Variants in LRAT observed in about 807,000 individuals in gnomAD.
LRAT encodes lecithin retinol acyltransferase, also known as lecithin retinol acyltransferase (phosphatidylcholine--retinol O-acyltransferase).
In LRAT, 11 loss-of-function variants were observed where a neutral mutation model predicts 14.2. The observed-to-expected ratio is 0.78, with a 90% confidence interval of 0.49 to 1.29. The LOEUF is 1.29. Among genes scored for constraint, LRAT ranks in the 50% most tolerant of loss-of-function variants. The probability of loss-of-function intolerance (pLI) is 0.00; values close to 1 mark genes in which losing one functional copy is unlikely to be tolerated. For missense variants in LRAT, 274 were observed against 292.4 expected (o/e 0.94, Z 0.46); for synonymous variants, 144 against 124.8 (o/e 1.15, Z -1.03).
At position 154,744,567 on chromosome 4, in the gene LRAT, C is replaced by T. The variant is rs1732839954; in HGVS notation, c.241C>T (p.Leu81=). The change falls in exon 2 of 3, where the codon CTG becomes TTG. Residue 81 remains leucine (L), a synonymous_variant. Transcript: ENST00000336356. ...CATGATGCCCGACATCCTGTTGGCC[C>T]TGACAGACGACATGGGGCGCACGCA... ...AHMMPDILLA[L]TDDMGRTQKV... 6.2e-7 allele frequency: 1 copy of T among 1,614,168 alleles called. No homozygotes were observed. The highest frequency in any genetic ancestry group is 8.5e-7 in the Non-Finnish European group (1 of 1,180,042).
At position 154,749,144 on chromosome 4, in the gene LRAT, C is replaced by A. The variant is rs750588461; in HGVS notation, c.*8C>A. On this transcript the variant is annotated 3_prime_UTR_variant, in exon 3 of 3. Transcript: ENST00000336356. ...CTATGGATGGCTGGCTAACTTCATA[C>A]CCCCATGTCAGTGTGTGTATTCTGT... The A allele has an allele frequency of 2.9e-5, 47 of 1,611,754 alleles. No homozygotes were observed. The highest frequency in any genetic ancestry group is 3.0e-5 in the Non-Finnish European group (35 of 1,178,152).
At position 154,744,818 on chromosome 4, in the gene LRAT, C is replaced by G; in HGVS notation, c.492C>G (p.Phe164Leu). The change falls in exon 2 of 3, where the codon TTC becomes TTG. Residue 164 changes from phenylalanine (F) to leucine (L), a missense_variant. Phe to Leu is a conservative substitution (Grantham distance 22). Transcript: ENST00000336356. ...YSLLWNNCEH[F>L]VTYCRYGTPI... is the part of the protein sequence containing the mutation. Reference sequence around the variant, plus strand: ...TGCTGTGGAACAACTGCGAGCACTTCGTGACCTACTGCAGATATGGCACCC... The same window carrying G: ...TGCTGTGGAACAACTGCGAGCACTTGGTGACCTACTGCAGATATGGCACCC... 1 of 1,613,940 alleles carries G rather than the reference C, an allele frequency of 6.2e-7. No homozygotes were observed. The highest frequency in any genetic ancestry group is 8.5e-7 in the Non-Finnish European group (1 of 1,180,020).
chr4:154,743,078 A>G (rs1026765244), upstream of LRAT, among the ~76,000 whole-genome samples: 1 of 147,436 alleles, frequency 6.8e-6, no homozygotes, highest in African/African-American at 2.5e-5. Flanking sequence ...CCTCGGGTTC[A>G]AATCACCGGC....
Position 154,744,612 on chromosome 4 carries a change from C to G in LRAT, c.286C>G (p.Arg96Gly), listed in dbSNP as rs1412183984. The G allele has an allele frequency of 1.2e-6, 2 of 1,614,088 alleles. No homozygotes were observed. Among genetic ancestry groups the G allele is most frequent in the Non-Finnish European group, 1.7e-6 (2 of 1,180,050 alleles). ...CACGCAGAAGGTGGTCTCCAACAAG[C>G]GTCTCATCCTGGGCGTTATTGTCAA... ...GRTQKVVSNK[R>G]LILGVIVKVA... Residue 96 changes from arginine to glycine, a missense_variant, in exon 2 of 3, where the codon CGT (arginine) becomes GGT (glycine). By Grantham distance (125) the Arg-to-Gly change is moderately radical (BLOSUM62 -2). Transcript: ENST00000336356.
upstream of LRAT, among the ~76,000 whole-genome samples, chr4:154,741,247 A>T (rs953879553): frequency 1.4e-4 from 21 of 152,194 alleles, no homozygotes; most frequent in African/African-American, 5.1e-4. Context: ...ATTCCACGCT[A>T]TATTTTTGCA....
rs1409103802 is a variant in LRAT at position 154,744,149 on chromosome 4, G to A, written c.-75G>A. 2 of 647,566 alleles carry A rather than the reference G, an allele frequency of 3.1e-6. No homozygotes were observed. The highest frequency in any genetic ancestry group is 5.4e-6 in the Non-Finnish European group (2 of 369,964). The allele number at this position is 647,566 out of a possible 1,614,324, so 40.1% of individuals were successfully genotyped here. A position where few individuals can be genotyped will look rare whatever the true frequency, so the allele number is the denominator to read the frequency against. On this transcript the variant is annotated 5_prime_UTR_variant, in exon 1 of 3. Coordinates refer to ENST00000336356, the MANE Select transcript of LRAT (RefSeq NM_004744.5). ...TGTGGCTTGGCTGAGCCGGTCGCCA[G>A]GCCTCGCTGTCCTCCTTTGCCTTCC... is the stretch of plus-strand genomic sequence containing the variant.
chr4:154,744,019 G>GC lies in LRAT; in HGVS notation c.-200dup. On this transcript the variant is annotated 5_prime_UTR_variant, in exon 1 of 3. Transcript: ENST00000336356. ...ACCTCCGAGCACCGCGCGCGGCCCT[G>GC]CCCCCGGCACGGCCCCCAGGTGCGC... The GC allele has an allele frequency of 4.6e-6, 2 of 430,262 alleles. No homozygotes were observed. Among genetic ancestry groups the GC allele is most frequent in the Non-Finnish European group, 4.3e-6 (1 of 232,616 alleles). The allele number at this position is 430,262 out of a possible 1,614,324, so 26.7% of individuals were successfully genotyped here.
At chr4:154,741,578 C>A (rs998528901), upstream of LRAT, among the ~76,000 whole-genome samples, 4 of 152,174 alleles carry the variant, frequency 2.6e-5, no homozygotes, top group African/African-American at 9.7e-5. Context: ...GCCACCTATA[C>A]AGATTCATGC....
intron 2 of LRAT, 152 bp downstream of exon 2, chr4:154,745,018 T>TCC (rs1313271575): frequency 0.088 from 54,339 of 618,812 alleles, 3,641 homozygotes; most frequent in African/African-American, 0.32. Context: ...TTTTTTTTTT[T>TCC]TTTTTTTTTT....
In LRAT at chr4:154,744,140, C is replaced by T. The variant is rs886059160; in HGVS notation, c.-84C>T. 1.7e-5 allele frequency: 11 copies of T among 629,890 alleles called. No homozygotes were observed. Among genetic ancestry groups the T allele is most frequent in the Admixed American group, 1.3e-4 (5 of 38,696 alleles). 39.0% of individuals were successfully genotyped at this position (629,890 alleles called of 1,614,324 possible). On this transcript the variant is annotated 5_prime_UTR_variant, in exon 1 of 3. Transcript: ENST00000336356. ...ATTCCCCATTGTGGCTTGGCTGAGC[C>T]GGTCGCCAGGCCTCGCTGTCCTCCT... is the stretch of plus-strand genomic sequence containing the variant.
intron 2 of LRAT, among the ~76,000 whole-genome samples, chr4:154,748,539 T>C (rs558454173): frequency 2.6e-5 from 4 of 152,264 alleles, no homozygotes; most frequent in East Asian, 3.9e-4. Context: ...AAAGTTATCA[T>C]TGGTATCATT....
intron 2 of LRAT, among the ~76,000 whole-genome samples, chr4:154,747,868 G>C (rs575348321): frequency 3.3e-5 from 5 of 152,210 alleles, no homozygotes; most frequent in African/African-American, 1.2e-4. Context: ...TTTCACACTT[G>C]TTTAGGTAAT....
intron 2 of LRAT, among the ~76,000 whole-genome samples, chr4:154,746,693 C>A (rs954972415): frequency 2.0e-5 from 3 of 152,160 alleles, no homozygotes; most frequent in African/African-American, 7.2e-5. Flanking sequence ...TATAGCGCTG[C>A]ATTATATATT....
In LRAT at chr4:154,751,733, C is replaced by CAAAAAAAAAAAAAAAAAAAAAAA. The variant is rs760244398; in HGVS notation, c.*2606_*2628dup. 1 of 23,842 alleles carries CAAAAAAAAAAAAAAAAAAAAAAA rather than the reference C, an allele frequency of 4.2e-5. No individual in the cohort carries two copies. The highest frequency in any genetic ancestry group is 1.3e-4 in the African/African-American group (1 of 7,742). 1.5% of individuals were successfully genotyped at this position (23,842 alleles called of 1,614,324 possible). On this transcript the variant is annotated 3_prime_UTR_variant, in exon 3 of 3. Transcript: ENST00000336356. ...TGGGCAACAAAGTGAGACTCCATCT[C>CAAAAAAAAAAAAAAAAAAAAAAA]AAAAAAAAAAAAAAAAAAAAAAAAA... is the stretch of plus-strand genomic sequence containing the variant.
At chr4:154,748,124 G>C (rs1033783926) in intron 2 of LRAT, 3 of 594,396 alleles carry the variant, frequency 5.0e-6, no homozygotes, top group South Asian at 1.5e-4. Flanking sequence ...CGGCAATATG[G>C]TAGAGATAAC....
upstream of LRAT, among the ~76,000 whole-genome samples, chr4:154,743,130 C>CG (rs1560869508): frequency 1.1e-5 from 1 of 93,380 alleles, no homozygotes; most frequent in African/African-American, 7.1e-5. Flanking sequence ...CCCCAACCCC[C>CG]CCCCCCCCGC....
intron 2 of LRAT, chr4:154,748,296 G>C (rs1018297601): frequency 4.7e-5 from 46 of 979,456 alleles, no homozygotes; most frequent in Non-Finnish European, 5.5e-5. Context: ...AATAAGAGCT[G>C]GAGCCAGGAC....
chr4:154,748,379 T>G (rs1031862021), intron 2 of LRAT: 61 of 987,022 alleles, frequency 6.2e-5, no homozygotes, highest in Middle Eastern at 5.2e-4. Flanking sequence ...GAAGGATGCA[T>G]TCCTCAGGGG....
chr4:154,744,985 A>G, intron 2 of LRAT, 119 bp downstream of exon 2: 1 of 752,246 alleles, frequency 1.3e-6, no homozygotes. Context: ...TACCACTTCC[A>G]TACCATCCTT....
Sources: gnomAD v4.1 joint callset for allele counts (sites outside exome capture counted in the v4.1 genomes callset) on GRCh38, gnomAD v4.1.1 for gene constraint, MANE v1.5 for transcripts, NCBI Gene and HGNC (gene_info 2026-07-23, HGNC 2026-07-21) for gene names.